CCAR1: variants seen among roughly 807,000 people sequenced by gnomAD.
CCAR1 encodes the protein cell division cycle and apoptosis regulator 1.
Under a neutral mutation model 163.8 loss-of-function variants are expected in CCAR1, and 78 were observed. That is an observed-to-expected ratio of 0.48 (90% CI 0.40 to 0.57). CCAR1 has a LOEUF of 0.57. Among genes scored for constraint, CCAR1 ranks in the 20% least tolerant of loss-of-function variants. The probability of loss-of-function intolerance (pLI) is 0.00; values close to 1 mark genes in which losing one functional copy is unlikely to be tolerated. For synonymous variants in CCAR1, 443 were observed against 460.7 expected, an observed-to-expected ratio of 0.96 and a Z score of 0.49; for missense variants, 1,019 against 1,365.2, an observed-to-expected ratio of 0.75 and a Z score of 4.00.
Position 68,754,827 on chromosome 10 carries a change from G to C in CCAR1, c.1458G>C (p.Lys486Asn). Residue 486 changes from lysine to asparagine, a missense_variant and splice_region_variant, in exon 12 of 25, where the codon AAG (lysine) becomes AAC (asparagine). Physicochemically the swap from Lys to Asn is moderately conservative, Grantham distance 94. Coordinates refer to ENST00000265872, the MANE Select transcript of CCAR1 (RefSeq NM_018237.4). Reference protein sequence around the residue: ...DGFQHPARLVKFLVGMKGKDE... With the variant: ...DGFQHPARLVNFLVGMKGKDE... Reference sequence around the variant, plus strand: ...TCCAACATCCTGCTAGACTTGTTAAGGTAAAAGGACACATTTGTTTTAACT... The same window carrying C: ...TCCAACATCCTGCTAGACTTGTTAACGTAAAAGGACACATTTGTTTTAACT... The C allele has an allele frequency of 6.5e-7, 1 of 1,528,908 alleles. No individual in the cohort carries two copies. Among genetic ancestry groups the C allele is most frequent in the Non-Finnish European group, 9.1e-7 (1 of 1,102,984 alleles). 94.7% of individuals were successfully genotyped at this position (1,528,908 alleles called of 1,614,324 possible).
intron 2 of CCAR1, among the ~76,000 whole-genome samples, chr10:68,725,063 G>A (rs1334637463): frequency 1.3e-5 from 2 of 152,170 alleles, no homozygotes; most frequent in Non-Finnish European, 2.9e-5. Context: ...TCTTGAACCC[G>A]GCGGAGGTTG....
chr10:68,782,883 C>T (rs1426119149), intron 19 of CCAR1, among the ~76,000 whole-genome samples: 1 of 152,102 alleles, frequency 6.6e-6, no homozygotes, highest in Non-Finnish European at 1.5e-5. Context: ...TATTACTTCT[C>T]ACTGACACCA....
chr10:68,734,793 T>A (rs2056086141), intron 2 of CCAR1, among the ~76,000 whole-genome samples: 1 of 152,192 alleles, frequency 6.6e-6, no homozygotes, highest in African/African-American at 2.4e-5. Flanking sequence ...GGAGATGCAT[T>A]TTTGGGAAGT....
intron 16 of CCAR1, among the ~76,000 whole-genome samples, chr10:68,761,640 T>C (rs1269707224): frequency 4.0e-5 from 6 of 151,742 alleles, no homozygotes; most frequent in African/African-American, 1.5e-4. Flanking sequence ...TTCGCTCTTG[T>C]TGCCTAGGAG....
chr10:68,743,773 CA>C (rs1564534220), intron 6 of CCAR1, among the ~76,000 whole-genome samples: 36 of 150,688 alleles, frequency 2.4e-4, no homozygotes, highest in African/African-American at 8.5e-4. Flanking sequence ...TACTTTGAGA[CA>C]GAGTCTCGCT....
rs759329417 is a variant in CCAR1 at position 68,736,949 on chromosome 10, A to G, written c.147A>G (p.Ala49=). ...PTIYTQQTAL[A]AAGLTTQTPA... ...TTTATACACAGCAAACTGCATTGGC[A>G]GCAGCAGGCCTTACCACACAAACTC... The change falls in exon 3 of 25, where the codon GCA becomes GCG. Residue 49 remains alanine (A), a synonymous_variant. Transcript: ENST00000265872. The G allele has an allele frequency of 2.5e-6, 4 of 1,614,080 alleles. No homozygotes were observed. The highest frequency in any genetic ancestry group is 8.5e-7 in the Non-Finnish European group (1 of 1,179,934).
intron 16 of CCAR1, among the ~76,000 whole-genome samples, chr10:68,763,088 A>C (rs1473805143): frequency 6.6e-6 from 1 of 151,522 alleles, no homozygotes; most frequent in Non-Finnish European, 1.5e-5. Context: ...CCTTGTTCTT[A>C]GGTGATGCAT....
intron 5 of CCAR1, among the ~76,000 whole-genome samples, chr10:68,741,093 T>C (rs536428314): frequency 6.6e-6 from 1 of 151,984 alleles, no homozygotes; most frequent in East Asian, 1.9e-4. Flanking sequence ...TTTGTATTTT[T>C]AGTAGAGATA....
At chr10:68,744,351 G>T (rs534848464) in intron 6 of CCAR1, among the ~76,000 whole-genome samples, 4 of 152,076 alleles carry the variant, frequency 2.6e-5, no homozygotes, top group African/African-American at 9.7e-5. Context: ...TTAGCTAAGC[G>T]CAGTGGCTTG....
intron 17 of CCAR1, among the ~76,000 whole-genome samples, chr10:68,768,875 G>A (rs574413665): frequency 3.3e-5 from 5 of 152,216 alleles, no homozygotes; most frequent in African/African-American, 1.2e-4. Flanking sequence ...ATAATAAATT[G>A]CATTATCCTT....
intron 3 of CCAR1, among the ~76,000 whole-genome samples, chr10:68,737,608 C>G (rs766481609): frequency 1.3e-5 from 2 of 151,772 alleles, no homozygotes; most frequent in Middle Eastern, 3.4e-3. Context: ...TTTTGGATCC[C>G]GGAGTATAAG....
At chr10:68,743,073 C>T (rs1356035557) in intron 6 of CCAR1, among the ~76,000 whole-genome samples, 2 of 152,068 alleles carry the variant, frequency 1.3e-5, no homozygotes, top group East Asian at 3.9e-4. Flanking sequence ...GCTGGGACAA[C>T]AGGCATGCGC....
chr10:68,731,851 A>G (rs1260936929), intron 2 of CCAR1, among the ~76,000 whole-genome samples: 1 of 152,102 alleles, frequency 6.6e-6, no homozygotes, highest in Non-Finnish European at 1.5e-5. Context: ...TTGGCCTCCC[A>G]AAGTGCTGGG....
chr10:68,763,393 C>A (rs2056498661), intron 16 of CCAR1, among the ~76,000 whole-genome samples: 2 of 151,758 alleles, frequency 1.3e-5, no homozygotes, highest in South Asian at 4.2e-4. Context: ...TCGTGATCCA[C>A]CCGCCTCAGC....
At chr10:68,790,079 C>T (rs1235542530) in intron 24 of CCAR1, among the ~76,000 whole-genome samples, 164 bp downstream of exon 24, 1 of 152,092 alleles carries the variant, frequency 6.6e-6, no homozygotes, top group Non-Finnish European at 1.5e-5. Flanking sequence ...ACAGGCTGGG[C>T]ACAGTGGCTC....
chr10:68,789,265 A>T (rs1224847183), intron 23 of CCAR1, among the ~76,000 whole-genome samples: 1 of 151,954 alleles, frequency 6.6e-6, no homozygotes, highest in African/African-American at 2.4e-5. Context: ...CTAAAAATAG[A>T]ACATAGGTTT....
chr10:68,743,326 T>C (rs2056208438), intron 6 of CCAR1, among the ~76,000 whole-genome samples: 1 of 149,630 alleles, frequency 6.7e-6, no homozygotes. Flanking sequence ...CCACCATGCC[T>C]GGCTAATTTT....
At chr10:68,776,561 C>T (rs377590689) in intron 19 of CCAR1, among the ~76,000 whole-genome samples, 12 of 152,102 alleles carry the variant, frequency 7.9e-5, no homozygotes, top group South Asian at 6.2e-4. Flanking sequence ...AGCAAAACTC[C>T]GTCTGTAAAA....
At chr10:68,766,187 T>C (rs540059586) in intron 17 of CCAR1, 108 bp downstream of exon 17, 1 of 719,850 alleles carries the variant, frequency 1.4e-6, no homozygotes, top group Non-Finnish European at 2.2e-6. Flanking sequence ...CTTTTCGTGG[T>C]TTTTTTTGTT....
Sources: allele counts gnomAD v4.1 joint callset (sites outside exome capture counted in the v4.1 genomes callset), GRCh38; gene constraint gnomAD v4.1.1; transcripts MANE v1.5; gene names NCBI Gene and HGNC (gene_info 2026-07-23, HGNC 2026-07-21).